Variants in SEMA3C observed in about 807,000 individuals in gnomAD.
The protein encoded by SEMA3C is semaphorin-3C.
SEMA3C carries 47 observed loss-of-function variants against 89.4 expected under a neutral mutation model. The observed-to-expected ratio is 0.53, with a 90% CI of 0.42 to 0.67. SEMA3C has a LOEUF of 0.67. Ranked by LOEUF, SEMA3C falls within the 30% of genes least tolerant of loss-of-function variation. The probability of loss-of-function intolerance (pLI) is 0.00; values close to 1 mark genes in which losing one functional copy is unlikely to be tolerated. For synonymous variants in SEMA3C, 310 were observed against 320.2 expected, an observed-to-expected ratio of 0.97 and a Z score of 0.34; for missense variants, 839 against 929.1, an observed-to-expected ratio of 0.90 and a Z score of 1.26.
intron 9 of SEMA3C, among the ~76,000 whole-genome samples, chr7:80,801,583 G>T (rs1022068097): frequency 6.6e-6 from 1 of 151,862 alleles, no homozygotes; most frequent in African/African-American, 2.4e-5. Flanking sequence ...TTATTACTGA[G>T]AAACACAAAG....
intron 5 of SEMA3C, among the ~76,000 whole-genome samples, chr7:80,815,223 G>A (rs1241883167): frequency 1.3e-5 from 2 of 152,068 alleles, no homozygotes; most frequent in East Asian, 1.9e-4. Context: ...GGTCACAGAC[G>A]TCAATAAAGG....
chr7:80,766,148 C>CTT (rs1328281785), intron 12 of SEMA3C, among the ~76,000 whole-genome samples: 9 of 152,176 alleles, frequency 5.9e-5, no homozygotes, highest in African/African-American at 2.2e-4. Flanking sequence ...GATTTTATTT[C>CTT]AGGTGTGGAC....
At chr7:80,811,185 T>C (rs1196538896) in intron 5 of SEMA3C, among the ~76,000 whole-genome samples, 1 of 152,176 alleles carries the variant, frequency 6.6e-6, no homozygotes, top group Admixed American at 6.5e-5. Context: ...TCATAATTCA[T>C]ATTTAAAATG....
At chr7:80,825,217 A>G (rs770101878) in intron 4 of SEMA3C, among the ~76,000 whole-genome samples, 31 of 152,130 alleles carry the variant, frequency 2.0e-4, no homozygotes, top group Non-Finnish European at 3.2e-4. Context: ...GGACACTTCT[A>G]TAAGTATTTC....
intron 2 of SEMA3C, among the ~76,000 whole-genome samples, chr7:80,846,484 G>A (rs530361725): frequency 2.0e-5 from 3 of 152,132 alleles, no homozygotes; most frequent in Non-Finnish European, 4.4e-5. Context: ...AGCCTCCTGA[G>A]TACCTAGGAC....
intron 2 of SEMA3C, chr7:80,915,872 G>C (rs1792261017): frequency 6.9e-6 from 1 of 144,364 alleles, no homozygotes; most frequent in South Asian, 2.2e-4. Context: ...ATGCAGAGTT[G>C]AAAGAAGTAA....
chr7:80,922,348 T>C (rs1792424793), upstream of SEMA3C: 1 of 1,218,550 alleles, frequency 8.2e-7, no homozygotes, highest in Non-Finnish European at 1.1e-6. Context: ...CCTTTTAAGT[T>C]TCCTGAACTG....
intron 2 of SEMA3C, among the ~76,000 whole-genome samples, chr7:80,893,814 G>C (rs1319669667): frequency 1.3e-5 from 2 of 151,882 alleles, no homozygotes; most frequent in Non-Finnish European, 2.9e-5. Context: ...ATAATTCCTG[G>C]AAAAGAAAAA....
intron 2 of SEMA3C, among the ~76,000 whole-genome samples, chr7:80,842,634 G>A (rs1261269679): frequency 1.3e-5 from 2 of 152,066 alleles, no homozygotes; most frequent in African/African-American, 2.4e-5. Flanking sequence ...GCAGAGGGAA[G>A]CTTCACTTCA....
chr7:80,894,376 A>G (rs1791684613), intron 2 of SEMA3C, among the ~76,000 whole-genome samples: 1 of 151,622 alleles, frequency 6.6e-6, no homozygotes, highest in Non-Finnish European at 1.5e-5. Context: ...ATGGTTTCAC[A>G]TTGTCATGTC....
intron 5 of SEMA3C, among the ~76,000 whole-genome samples, chr7:80,814,442 A>C (rs887218828): frequency 1.3e-5 from 2 of 152,108 alleles, no homozygotes. Context: ...ATTGGCCATT[A>C]AAGTTAGGAG....
chr7:80,904,009 T>C (rs1032613722), intron 2 of SEMA3C, among the ~76,000 whole-genome samples: 20 of 152,174 alleles, frequency 1.3e-4, no homozygotes, highest in African/African-American at 4.8e-4. Context: ...ATCCCCTATA[T>C]GTTAGGCCTG....
At chr7:80,919,494 T>G (rs1792367192), upstream of SEMA3C, 1 of 523,932 alleles carries the variant, frequency 1.9e-6, no homozygotes, top group Non-Finnish European at 2.4e-6. Flanking sequence ...GAAGGATCAC[T>G]GCAGCCTTTT....
upstream of SEMA3C, among the ~76,000 whole-genome samples, chr7:80,919,559 G>GTTT (rs3834744): frequency 1.4e-5 from 2 of 145,694 alleles, no homozygotes; most frequent in Non-Finnish European, 3.0e-5. Context: ...ATTCTGCTGC[G>GTTT]TTTTTTTTTT....
At chr7:80,852,677 ATTTTT>A (rs751469979) in intron 2 of SEMA3C, among the ~76,000 whole-genome samples, 3 of 137,970 alleles carry the variant, frequency 2.2e-5, no homozygotes, top group Admixed American at 7.4e-5. Flanking sequence ...CTGAATAGAC[ATTTTT>A]TTTTTTTTTT....
intron 2 of SEMA3C, among the ~76,000 whole-genome samples, chr7:80,872,168 TCAGA>T (rs1791074110): frequency 6.6e-6 from 1 of 152,130 alleles, no homozygotes; most frequent in South Asian, 2.1e-4. Flanking sequence ...GTTGTTGTTT[TCAGA>T]CAGAGTCTCG....
chr7:80,852,078 A>G (rs1583941832), intron 2 of SEMA3C, among the ~76,000 whole-genome samples: 3 of 152,310 alleles, frequency 2.0e-5, no homozygotes, highest in Admixed American at 2.0e-4. Flanking sequence ...AATGCAAACA[A>G]TGACAGAGTG....
chr7:80,876,723 T>C (rs1384590872), intron 2 of SEMA3C, among the ~76,000 whole-genome samples: 2 of 152,256 alleles, frequency 1.3e-5, no homozygotes, highest in African/African-American at 4.8e-5. Flanking sequence ...CTCTGCATTA[T>C]AAAATAAAGC....
chr7:80,806,961 A>C (rs1029813957), intron 6 of SEMA3C, among the ~76,000 whole-genome samples: 4 of 152,124 alleles, frequency 2.6e-5, no homozygotes, highest in African/African-American at 9.7e-5. Flanking sequence ...GACCCCTACC[A>C]GTTAGCAAGC....
Sources: allele counts gnomAD v4.1 joint callset (sites outside exome capture counted in the v4.1 genomes callset), GRCh38; gene constraint gnomAD v4.1.1; transcripts MANE v1.5; gene names NCBI Gene and HGNC (gene_info 2026-07-23, HGNC 2026-07-21).